The following RABGAP1L variants were observed in gnomAD, a reference collection of about 807,000 sequenced individuals.
RABGAP1L encodes RAB GTPase activating protein 1 like.
A neutral mutation model predicts 137.7 loss-of-function variants in RABGAP1L; 63 were observed. The ratio of observed to expected loss-of-function variants is 0.46; its 90% confidence interval spans 0.37 to 0.56. The LOEUF (loss-of-function observed/expected upper bound fraction) is 0.56. Among genes scored for constraint, RABGAP1L ranks in the 20% least tolerant of loss-of-function variants. The pLI, the probability that RABGAP1L is intolerant of heterozygous loss-of-function variation, is 0.00. For missense variants in RABGAP1L, 1,095 were observed against 1,244.0 expected (o/e 0.88, Z 1.80); for synonymous variants, 431 against 433.7 (o/e 0.99, Z 0.08).
rs1672058989 is a variant in RABGAP1L, at chr1:174,991,621, C to T, written c.*1620C>T. 6.6e-6 allele frequency: 1 copy of T among 152,190 alleles called. No individual in the cohort carries two copies. Among genetic ancestry groups the T allele is most frequent in the Non-Finnish European group, 1.5e-5 (1 of 68,036 alleles). 9.4% of individuals were successfully genotyped at this position (152,190 alleles called of 1,614,324 possible). On this transcript the variant is annotated 3_prime_UTR_variant, in exon 26 of 26. Transcript: ENST00000681986. Reference sequence around the variant, plus strand: ...ACTGATGTGATTGTTATGTTATACTCATCAGATAATACTTTTCTTACATAA... The same window carrying T: ...ACTGATGTGATTGTTATGTTATACTTATCAGATAATACTTTTCTTACATAA...
chr1:174,564,152 A>T (rs1305180895), intron 13 of RABGAP1L, among the ~76,000 whole-genome samples: 1 of 152,180 alleles, frequency 6.6e-6, no homozygotes, highest in Non-Finnish European at 1.5e-5. Flanking sequence ...AAACACAAAG[A>T]TGATTATAAA....
chr1:174,973,979 G>GTTTTT (rs58500594), intron 21 of RABGAP1L, among the ~76,000 whole-genome samples: 12 of 85,788 alleles, frequency 1.4e-4, no homozygotes, highest in African/African-American at 2.5e-4. Context: ...ATTGTTTTTT[G>GTTTTT]TTTTTTTTTT....
At position 174,565,624 on chromosome 1, in the gene RABGAP1L, G is replaced by C. The variant is rs1285480478; in HGVS notation, c.1711-71751G>C. ...TATAAGGTTTTCACTGTCTGGACTT[G>C]ACGCAGTTTGGAATTTTCCTAGCAC... On this transcript the variant is annotated intron_variant, in intron 13 of 25. Transcript: ENST00000681986. 2.0e-5 allele frequency among the ~76,000 whole-genome samples: 3 copies of C among 152,116 alleles called. No individual in the cohort carries two copies. In the East Asian group the frequency reaches 5.8e-4, roughly 29 times the overall value.
chr1:174,254,261 A>G (rs1316659873), intron 7 of RABGAP1L, among the ~76,000 whole-genome samples: 1 of 152,160 alleles, frequency 6.6e-6, no homozygotes, highest in African/African-American at 2.4e-5. Flanking sequence ...TCTTTTATAA[A>G]TTTTAAGATG....
chr1:174,818,994 G>A (rs1358111796), intron 19 of RABGAP1L, among the ~76,000 whole-genome samples: 2 of 151,838 alleles, frequency 1.3e-5, no homozygotes, highest in Non-Finnish European at 2.9e-5. Context: ...TCCAGCCTGG[G>A]TGACAAGAGT....
intron 13 of RABGAP1L, among the ~76,000 whole-genome samples, chr1:174,623,040 T>C (rs745891163): frequency 3.3e-5 from 5 of 152,224 alleles, no homozygotes; most frequent in Non-Finnish European, 7.3e-5. Flanking sequence ...TGCACTGATC[T>C]GATACAGATT....
chr1:174,750,057 G>T (rs1476139448), intron 17 of RABGAP1L, among the ~76,000 whole-genome samples: 1 of 152,018 alleles, frequency 6.6e-6, no homozygotes, highest in African/African-American at 2.4e-5. Flanking sequence ...TTTTAGTAGA[G>T]ACTGGGTTTC....
intron 19 of RABGAP1L, among the ~76,000 whole-genome samples, chr1:174,951,299 G>C (rs1470484911): frequency 6.6e-6 from 1 of 152,204 alleles, no homozygotes; most frequent in Non-Finnish European, 1.5e-5. Flanking sequence ...AAGAGGGCAG[G>C]CTCTGGAGGC....
chr1:174,678,115 A>G (rs1677775606), intron 14 of RABGAP1L, among the ~76,000 whole-genome samples: 1 of 152,178 alleles, frequency 6.6e-6, no homozygotes, highest in Admixed American at 6.5e-5. Flanking sequence ...ATTATGAACG[A>G]ATTTATGTCA....
intron 13 of RABGAP1L, among the ~76,000 whole-genome samples, chr1:174,413,981 C>A (rs1178706447): frequency 6.6e-6 from 1 of 152,080 alleles, no homozygotes; most frequent in Non-Finnish European, 1.5e-5. Context: ...CCCACACGTC[C>A]CCTGATGGCA....
intron 19 of RABGAP1L, among the ~76,000 whole-genome samples, chr1:174,895,663 G>A (rs529851927): frequency 6.6e-6 from 1 of 151,348 alleles, no homozygotes; most frequent in African/African-American, 2.4e-5. Flanking sequence ...TCATTGTTCA[G>A]TTCCCACCTA....
At chr1:174,809,013 C>T (rs992345005) in intron 18 of RABGAP1L, among the ~76,000 whole-genome samples, 1 of 152,140 alleles carries the variant, frequency 6.6e-6, no homozygotes, top group Non-Finnish European at 1.5e-5. Context: ...GGAAAACTTA[C>T]ATAGCACTAC....
At chr1:174,538,558 T>C (rs1171797251) in intron 13 of RABGAP1L, among the ~76,000 whole-genome samples, 1 of 152,218 alleles carries the variant, frequency 6.6e-6, no homozygotes, top group Non-Finnish European at 1.5e-5. Flanking sequence ...TGCTACCATG[T>C]ACTCTTTGAA....
At chr1:174,895,479 C>T (rs1490479409) in intron 19 of RABGAP1L, among the ~76,000 whole-genome samples, 1 of 147,632 alleles carries the variant, frequency 6.8e-6, no homozygotes, top group Non-Finnish European at 1.5e-5. Context: ...TTCTAGGGTA[C>T]ATGTGCACAA....
rs529972529 is a variant in RABGAP1L, at chr1:174,830,224, A to G, written c.2340+18264A>G. On this transcript the variant is annotated intron_variant, in intron 19 of 25. Coordinates refer to ENST00000681986, the MANE Select transcript of RABGAP1L (RefSeq NM_001366446.1). ...GATACCAGGAGTCATGACTGATTAG[A>G]AGCCATTCCTGTAACAATCTGCCAC... Among the ~76,000 whole-genome samples the G allele has an allele frequency of 4.5e-4, 66 of 147,456 alleles. 6 individuals are homozygous for G. Among genetic ancestry groups the G allele is most frequent in the African/African-American group, 1.6e-3 (65 of 40,492 alleles).
chr1:174,635,236 T>C (rs1673889923), intron 13 of RABGAP1L, among the ~76,000 whole-genome samples: 1 of 152,172 alleles, frequency 6.6e-6, no homozygotes, highest in Non-Finnish European at 1.5e-5. Flanking sequence ...ACGATTTCTC[T>C]CTCTTAATGT....
chr1:174,650,743 T>C (rs1323165661), intron 14 of RABGAP1L, among the ~76,000 whole-genome samples: 1 of 150,200 alleles, frequency 6.7e-6, no homozygotes, highest in African/African-American at 2.5e-5. Context: ...TTATTAGTCT[T>C]GCTAGCGGTC....
At position 174,223,051 on chromosome 1, in the gene RABGAP1L, C is replaced by T. The variant is rs768126161; in HGVS notation, c.331+1887C>T. On this transcript the variant is annotated intron_variant, in intron 3 of 25. Coordinates refer to ENST00000681986, the MANE Select transcript of RABGAP1L (RefSeq NM_001366446.1). Reference sequence around the variant, plus strand: ...TTGGGAGGCCAAGATGGGCAGGTCACGAGATCAGGAGTTCCAGACCAGCCT... The same window carrying T: ...TTGGGAGGCCAAGATGGGCAGGTCATGAGATCAGGAGTTCCAGACCAGCCT... Among the ~76,000 whole-genome samples the T allele has an allele frequency of 7.6e-4, 115 of 151,854 alleles. 1 individual carries two copies. The highest frequency in any genetic ancestry group is 5.5e-4 in the African/African-American group (23 of 41,452).
intron 13 of RABGAP1L, among the ~76,000 whole-genome samples, chr1:174,598,361 A>G (rs1670142066): frequency 6.7e-6 from 1 of 149,662 alleles, no homozygotes; most frequent in Non-Finnish European, 1.5e-5. Flanking sequence ...TCTGTCTTTG[A>G]GATCTATGCA....
Sources: allele counts gnomAD v4.1 joint callset (sites outside exome capture counted in the v4.1 genomes callset), GRCh38; gene constraint gnomAD v4.1.1; transcripts MANE v1.5; gene names NCBI Gene and HGNC (gene_info 2026-07-23, HGNC 2026-07-21).